NBEAL1: variants seen among roughly 807,000 people sequenced by gnomAD.
NBEAL1 encodes the protein neurobeachin-like protein 1.
Under a neutral mutation model 351.3 loss-of-function variants are expected in NBEAL1, and 273 were observed. The ratio of observed to expected loss-of-function variants is 0.78; its 90% confidence interval spans 0.70 to 0.86. The LOEUF is 0.86. Among genes scored for constraint, NBEAL1 ranks in the 40% least tolerant of loss-of-function variants. NBEAL1 has a pLI of 0.00. For missense variants in NBEAL1, 2,961 were observed against 3,201.3 expected (o/e 0.92, Z 1.81); for synonymous variants, 1,050 against 1,086.4 (o/e 0.97, Z 0.66).
chr2:203,072,512 T>C (rs1208191813), intron 7 of NBEAL1, among the ~76,000 whole-genome samples: 1 of 152,188 alleles, frequency 6.6e-6, no homozygotes, highest in Non-Finnish European at 1.5e-5. Flanking sequence ...TTCTGTCTGC[T>C]CACATTTTAA....
chr2:203,087,768 G>T (rs2061994944), intron 10 of NBEAL1, among the ~76,000 whole-genome samples: 1 of 152,088 alleles, frequency 6.6e-6, no homozygotes, highest in Non-Finnish European at 1.5e-5. Flanking sequence ...AAGTCTGTGG[G>T]GTGACACTTA....
intron 51 of NBEAL1, among the ~76,000 whole-genome samples, chr2:203,205,667 T>A (rs928410240): frequency 6.6e-6 from 1 of 152,206 alleles, no homozygotes; most frequent in Non-Finnish European, 1.5e-5. Context: ...TCTTATTAGC[T>A]AGTACTTTAA....
chr2:203,124,767 C>A (rs926490440), intron 19 of NBEAL1, among the ~76,000 whole-genome samples: 1 of 152,100 alleles, frequency 6.6e-6, no homozygotes, highest in East Asian at 1.9e-4. Context: ...TTAATCCTTG[C>A]AATACTTTAT....
intron 41 of NBEAL1, among the ~76,000 whole-genome samples, 163 bp from the exon 42 acceptor site, chr2:203,174,984 T>C (rs186441474): frequency 6.6e-6 from 1 of 152,238 alleles, no homozygotes; most frequent in East Asian, 1.9e-4. Context: ...TTTTTTTCGT[T>C]TTCTAGTATG....
intron 12 of NBEAL1, 132 bp from the exon 13 acceptor site, chr2:203,107,288 G>A: frequency 2.0e-6 from 1 of 490,682 alleles, no homozygotes. Flanking sequence ...AAGGCAAATA[G>A]TGAATTCGTG....
At position 203,113,358 on chromosome 2, in the gene NBEAL1, T is replaced by G. The variant is rs187975268; in HGVS notation, c.2506+40T>G. The G allele has an allele frequency of 7.0e-4, 805 of 1,143,160 alleles. 7 individuals carry two copies. The African/African-American group carries it at 8.7e-3, about 12-fold the overall frequency. The allele number at this position is 1,143,160 out of a possible 1,614,324, so 70.8% of individuals were successfully genotyped here. A position where few individuals can be genotyped will look rare whatever the true frequency, so the allele number is the denominator to read the frequency against. ...TCATAATGCTTAAGCAAATTTAGAG[T>G]TTTTTTTGTTGTCTAAATATATTCT... is the stretch of plus-strand genomic sequence containing the variant. On this transcript the variant is annotated intron_variant, in intron 17 of 55. Coordinates refer to ENST00000683969, the MANE Select transcript of NBEAL1 (RefSeq NM_001378026.1).
At chr2:203,071,538 C>A (rs541211145) in intron 7 of NBEAL1, among the ~76,000 whole-genome samples, 1 of 152,236 alleles carries the variant, frequency 6.6e-6, no homozygotes, top group South Asian at 2.1e-4. Flanking sequence ...TCCTTGCCCC[C>A]CCATTCATGT....
rs1324592085 is a variant in NBEAL1, at chr2:203,183,400, G to T, written c.6705+12G>T. The stretch of plus-strand genomic sequence containing the variant: ...ATAGGAAAGCTTTGGTAAGAGTTTT[G>T]CATTTAGTTATTTGACAGAATAATA... On this transcript the variant is annotated intron_variant, in intron 44 of 55. Transcript: ENST00000683969. The T allele has an allele frequency of 1.4e-6, 2 of 1,404,706 alleles. No homozygotes were observed. Among genetic ancestry groups the T allele is most frequent in the Non-Finnish European group, 2.0e-6 (2 of 1,014,152 alleles). 87.0% of individuals were successfully genotyped at this position (1,404,706 alleles called of 1,614,324 possible). A position where few individuals can be genotyped will look rare whatever the true frequency, so the allele number is the denominator to read the frequency against.
intron 3 of NBEAL1, among the ~76,000 whole-genome samples, chr2:203,047,923 A>G (rs1016748025): frequency 2.0e-5 from 3 of 151,006 alleles, no homozygotes; most frequent in African/African-American, 7.3e-5. Flanking sequence ...TTTTTTTTCC[A>G]GTGGAGATGA....
intron 55 of NBEAL1, among the ~76,000 whole-genome samples, chr2:203,214,178 C>A (rs1030862644): frequency 1.3e-5 from 2 of 152,204 alleles, no homozygotes; most frequent in African/African-American, 4.8e-5. Context: ...CTAACTCTCA[C>A]TCTTAGGAAA....
rs56169732 is a variant in NBEAL1, at chr2:203,209,713, ATG to A, written c.7785+423_7785+424del. The stretch of plus-strand genomic sequence containing the variant: ...TGACATCACTATTTATTTAATTAAT[ATG>A]TGTGTGTGTGTGTGTGTGTGTGTGT... On this transcript the variant is annotated intron_variant, in intron 53 of 55. Coordinates refer to ENST00000683969, the MANE Select transcript of NBEAL1 (RefSeq NM_001378026.1). Among the ~76,000 whole-genome samples, 353 of 138,664 alleles carry A rather than the reference ATG, an allele frequency of 2.5e-3. 4 individuals are homozygous for A. The highest frequency in any genetic ancestry group is 6.3e-3 in the African/African-American group (237 of 37,330). The allele number at this position is 138,664 out of a possible 152,430, so 91.0% of individuals were successfully genotyped here. A position where few individuals can be genotyped will look rare whatever the true frequency, so the allele number is the denominator to read the frequency against.
chr2:203,171,344 C>T (rs560785830), intron 39 of NBEAL1, among the ~76,000 whole-genome samples: 145 of 152,046 alleles, frequency 9.5e-4, no homozygotes, highest in Non-Finnish European at 1.7e-3. Flanking sequence ...GTGGCATATG[C>T]CTGTAAACCC....
intron 10 of NBEAL1, among the ~76,000 whole-genome samples, chr2:203,091,992 A>G (rs2062073964): frequency 6.6e-6 from 1 of 152,180 alleles, no homozygotes; most frequent in South Asian, 2.1e-4. Context: ...GATGTACCAT[A>G]ATTTACTTAA....
At chr2:203,166,088 T>C in intron 36 of NBEAL1, 61 bp from the exon 37 acceptor site, 1 of 1,412,078 alleles carries the variant, frequency 7.1e-7, no homozygotes, top group Non-Finnish European at 9.5e-7. Flanking sequence ...GTGGCATTCT[T>C]TTCTATTTAA....
rs1484688208 is a variant in NBEAL1, at chr2:203,224,008, CTT to C, written c.*6656_*6657del. Among the ~76,000 whole-genome samples the C allele has an allele frequency of 2.6e-5, 4 of 152,072 alleles. No homozygotes were observed. The East Asian group carries it at 7.7e-4, about 29-fold the overall frequency. ...TGTATATAGGGATTAAAGAGGATAA[CTT>C]TATTTTTTCCTTTGGAAAGAATAAT... On this transcript the variant is annotated 3_prime_UTR_variant, in exon 56 of 56. Transcript: ENST00000683969.
intron 43 of NBEAL1, chr2:203,182,502 A>C (rs1559044536): frequency 6.6e-6 from 1 of 152,250 alleles, no homozygotes; most frequent in Non-Finnish European, 1.5e-5. Context: ...GGACACTTGA[A>C]TGAAATAAAG....
intron 4 of NBEAL1, among the ~76,000 whole-genome samples, chr2:203,054,403 G>A (rs938835558): frequency 2.0e-5 from 3 of 151,116 alleles, no homozygotes; most frequent in Non-Finnish European, 2.9e-5. Context: ...TCCAGCCTGG[G>A]TGACAGAGCA....
At chr2:203,131,913 G>A (rs538263331) in intron 25 of NBEAL1, 60 bp from the exon 26 acceptor site, 3 of 1,235,096 alleles carry the variant, frequency 2.4e-6, no homozygotes, top group Non-Finnish European at 3.3e-6. Flanking sequence ...CATTTTTAAT[G>A]TTAAATGACA....
chr2:203,172,681 A>G (rs2064360505), intron 40 of NBEAL1, 48 bp from the exon 41 acceptor site: 2 of 1,549,740 alleles, frequency 1.3e-6, no homozygotes, highest in South Asian at 1.2e-5. Flanking sequence ...TGAGGATATT[A>G]GCTTCTCTAG....
Sources: allele counts gnomAD v4.1 joint callset (sites outside exome capture counted in the v4.1 genomes callset), GRCh38; gene constraint gnomAD v4.1.1; transcripts MANE v1.5; gene names NCBI Gene and HGNC (gene_info 2026-07-23, HGNC 2026-07-21).